CELF2: variants seen among roughly 807,000 people sequenced by gnomAD.
The protein encoded by CELF2 is CUG triplet repeat RNA-binding protein 2.
CELF2 carries 8 observed loss-of-function variants against 62.6 expected under a neutral mutation model. The ratio of observed to expected loss-of-function variants is 0.13; its 90% CI spans 0.07 to 0.23. CELF2 has a LOEUF of 0.23. Among genes scored for constraint, CELF2 ranks in the 10% least tolerant of loss-of-function variants. The probability of loss-of-function intolerance (pLI) is 1.00; values close to 1 mark genes in which losing one functional copy is unlikely to be tolerated. For synonymous variants in CELF2, 258 were observed against 250.0 expected (o/e 1.03, Z -0.30); for missense variants, 333 against 671.0 (o/e 0.50, Z 5.56).
At chr10:11,057,606 T>C (rs1239103875) in intron 1 of CELF2, among the ~76,000 whole-genome samples, 6 of 152,206 alleles carry the variant, frequency 3.9e-5, no homozygotes, top group African/African-American at 1.2e-4. Flanking sequence ...ATACAAACAC[T>C]GATTATACGC....
chr10:11,254,732 A>G (rs1245042039), intron 4 of CELF2, among the ~76,000 whole-genome samples: 1 of 152,228 alleles, frequency 6.6e-6, no homozygotes, highest in Non-Finnish European at 1.5e-5. Context: ...TAAAAGAACT[A>G]AAACCAGATT....
intron 1 of CELF2, among the ~76,000 whole-genome samples, chr10:11,138,511 A>G (rs899203562): frequency 6.6e-6 from 1 of 152,158 alleles, no homozygotes; most frequent in Non-Finnish European, 1.5e-5. Context: ...CTGTGTTTAC[A>G]CACCGACAGC....
chr10:11,027,529 C>G (rs180696760), intron 1 of CELF2, among the ~76,000 whole-genome samples: 4 of 151,302 alleles, frequency 2.6e-5, no homozygotes, highest in African/African-American at 9.7e-5. Context: ...ACCTTTCTTT[C>G]GGGAGGAATT....
chr10:11,333,114 C>G lies in CELF2; in HGVS notation c.*4061C>G, dbSNP rs1472421265. ...AACCTCAACCCACCTGCATGCATCT[C>G]CCCCAGAGGAAACACTGAGGGTAGG... On this transcript the variant is annotated 3_prime_UTR_variant, in exon 13 of 13. Transcript: ENST00000633077. The G allele has an allele frequency of 2.6e-5, 4 of 152,196 alleles. No individual in the cohort carries two copies. The East Asian group carries it at 7.7e-4, about 29-fold the overall frequency. The allele number at this position is 152,196 out of a possible 1,614,324, so 9.4% of individuals were successfully genotyped here. A position where few individuals can be genotyped will look rare whatever the true frequency, so the allele number is the denominator to read the frequency against.
intron 2 of CELF2, among the ~76,000 whole-genome samples, chr10:10,959,541 G>A (rs1387392497): frequency 6.6e-6 from 1 of 152,178 alleles, no homozygotes; most frequent in East Asian, 1.9e-4. Context: ...GAATGATAAG[G>A]TTTCAACTGG....
intron 5 of CELF2, among the ~76,000 whole-genome samples, chr10:11,265,769 A>C (rs929396275): frequency 6.6e-6 from 1 of 152,254 alleles, no homozygotes; most frequent in Non-Finnish European, 1.5e-5. Flanking sequence ...ACAGGCACGG[A>C]AAGTTTCACT....
chr10:11,015,046 G>A (rs941979806), upstream of CELF2, among the ~76,000 whole-genome samples: 2 of 152,114 alleles, frequency 1.3e-5, no homozygotes, highest in African/African-American at 4.8e-5. The surrounding 1 kb of genome is among the most constrained non-coding windows in gnomAD (Gnocchi z 4.8). Flanking sequence ...CACTGCTGTC[G>A]ATAAGATCCT....
At chr10:10,946,669 A>G (rs2047722693) in intron 2 of CELF2, 1 of 152,516 alleles carries the variant, frequency 6.6e-6, no homozygotes, top group South Asian at 2.1e-4. Flanking sequence ...CCCAGGCACT[A>G]TTCTAAGCCC....
chr10:10,688,210 C>A, the CELF2 span, among the ~76,000 whole-genome samples: 1 of 152,190 alleles, frequency 6.6e-6, no homozygotes, highest in East Asian at 1.9e-4. Context: ...AAAGCAAGAA[C>A]TGTAGGTCCT....
At chr10:10,829,084 A>C (rs758262802) in intron 1 of CELF2, among the ~76,000 whole-genome samples, 1 of 152,222 alleles carries the variant, frequency 6.6e-6, no homozygotes, top group Non-Finnish European at 1.5e-5. Flanking sequence ...ATAAACCCAC[A>C]AAGATGATCT....
chr10:10,513,624 A>G, the CELF2 span, among the ~76,000 whole-genome samples: 1 of 152,220 alleles, frequency 6.6e-6, no homozygotes, highest in Non-Finnish European at 1.5e-5. Context: ...CATATAGCAG[A>G]AAGTTCAAAT....
chr10:10,720,101 G>C, the CELF2 span, among the ~76,000 whole-genome samples: 1 of 152,218 alleles, frequency 6.6e-6, no homozygotes. Flanking sequence ...CAGACAGTGG[G>C]ATGGTGGGAA....
the CELF2 span, among the ~76,000 whole-genome samples, chr10:10,697,566 G>A: frequency 6.6e-6 from 1 of 152,232 alleles, no homozygotes; most frequent in African/African-American, 2.4e-5. Flanking sequence ...AGGCTGGGAA[G>A]TCTGAGGTCA....
chr10:11,108,237 A>G (rs2054161573), intron 1 of CELF2, among the ~76,000 whole-genome samples: 2 of 150,250 alleles, frequency 1.3e-5, no homozygotes, highest in South Asian at 2.1e-4. Context: ...ACAGGTTACC[A>G]TTAGGATGTG....
the CELF2 span, among the ~76,000 whole-genome samples, chr10:10,656,100 G>A: frequency 6.8e-6 from 1 of 147,816 alleles, no homozygotes; most frequent in Non-Finnish European, 1.5e-5. Context: ...CATTTATGCA[G>A]CCAAAAAACA....
intron 1 of CELF2, among the ~76,000 whole-genome samples, chr10:11,061,807 A>AT (rs1205983245): frequency 1.3e-5 from 2 of 152,116 alleles, no homozygotes; most frequent in African/African-American, 2.4e-5. Flanking sequence ...GGTTTACTGA[A>AT]TTTTTTATTT....
the CELF2 span, among the ~76,000 whole-genome samples, chr10:10,485,439 G>T: frequency 6.6e-6 from 1 of 152,158 alleles, no homozygotes; most frequent in East Asian, 1.9e-4. Flanking sequence ...CCAGGATATT[G>T]CTTTTCATCT....
At chr10:10,571,210 A>G in the CELF2 span, among the ~76,000 whole-genome samples, 396 of 152,356 alleles carry the variant, frequency 2.6e-3, 4 homozygotes, top group African/African-American at 9.2e-3. Context: ...AAATGACAGA[A>G]AAGCAAAATA....
chr10:10,739,305 A>C, the CELF2 span, among the ~76,000 whole-genome samples: 1 of 152,198 alleles, frequency 6.6e-6, no homozygotes, highest in African/African-American at 2.4e-5. Flanking sequence ...TTACATAATA[A>C]AATTTGTTTA....
Sources: gnomAD v4.1 joint callset for allele counts (sites outside exome capture counted in the v4.1 genomes callset) on GRCh38, gnomAD v4.1.1 for gene constraint, Gnocchi (gnomAD v3.1) non-coding constraint, MANE v1.5 for transcripts, NCBI Gene and HGNC (gene_info 2026-07-23, HGNC 2026-07-21) for gene names.